SEL1L2: variants seen among roughly 807,000 people sequenced by gnomAD.
SEL1L2 encodes the protein protein sel-1 homolog 2.
A neutral mutation model predicts 98.8 loss-of-function variants in SEL1L2; 89 were observed. That is an observed-to-expected ratio of 0.90 (90% CI 0.76 to 1.07). SEL1L2 has a LOEUF of 1.07. Ranked by LOEUF, SEL1L2 falls within the 50% of genes least tolerant of loss-of-function variation. The pLI is 0.00. For synonymous variants in SEL1L2, 262 were observed against 278.5 expected, an observed-to-expected ratio of 0.94 and a Z score of 0.59; for missense variants, 788 against 812.0, an observed-to-expected ratio of 0.97 and a Z score of 0.36.
At chr20:13,917,949 G>A (rs183794962) in intron 4 of SEL1L2, among the ~76,000 whole-genome samples, 9 of 151,650 alleles carry the variant, frequency 5.9e-5, no homozygotes, top group Admixed American at 5.9e-4. Flanking sequence ...ACAGGTGCGC[G>A]CCATCATGTC....
intron 1 of SEL1L2, among the ~76,000 whole-genome samples, chr20:13,967,529 C>T (rs1391082079): frequency 6.6e-6 from 1 of 152,176 alleles, no homozygotes; most frequent in Non-Finnish European, 1.5e-5. Flanking sequence ...GGTCCCAGCT[C>T]ATTTCTTTTC....
At chr20:13,914,988 T>C in intron 4 of SEL1L2, 1 of 722,172 alleles carries the variant, frequency 1.4e-6, no homozygotes, top group Non-Finnish European at 1.9e-6. Context: ...TTATTTTTAC[T>C]TTTATAACTT....
intron 5 of SEL1L2, among the ~76,000 whole-genome samples, chr20:13,894,286 G>A (rs147482876): frequency 6.6e-6 from 1 of 152,312 alleles, no homozygotes; most frequent in East Asian, 1.9e-4. Flanking sequence ...CTGGCCAGGT[G>A]CAGTGGCTCA....
chr20:13,850,304 T>G lies in SEL1L2; in HGVS notation c.1834A>C (p.Arg612=), dbSNP rs1194636010. The G allele has an allele frequency of 6.2e-7, 1 of 1,614,088 alleles. No homozygotes were observed. Among genetic ancestry groups the G allele is most frequent in the Non-Finnish European group, 8.5e-7 (1 of 1,179,920 alleles). ...LGITKDIHLA[R]RLYDMAAQTS... is the part of the protein sequence containing the mutation. ...TGAGCAGCCATGTCGTACAATCTTC[T>G]GGCCAAGTGAATGTCCTAGAAGGAG... is the stretch of plus-strand genomic sequence containing the variant. The change falls in exon 19 of 20, where the codon AGA becomes CGA. Residue 612 remains arginine, a synonymous_variant. Transcript: ENST00000284951.
intron 2 of SEL1L2, among the ~76,000 whole-genome samples, chr20:13,950,123 A>T (rs1211427809): frequency 6.6e-6 from 1 of 152,210 alleles, no homozygotes; most frequent in Non-Finnish European, 1.5e-5. Flanking sequence ...AAAGTAGTCA[A>T]ATTCAGGGAG....
chr20:13,901,762 C>T (rs1047913337), intron 5 of SEL1L2, among the ~76,000 whole-genome samples: 2 of 151,548 alleles, frequency 1.3e-5, no homozygotes, highest in African/African-American at 2.4e-5. Context: ...CCCAGGTTCC[C>T]GCCATTCTCC....
chr20:13,934,766 C>G (rs2148337132), intron 2 of SEL1L2, among the ~76,000 whole-genome samples: 1 of 151,758 alleles, frequency 6.6e-6, no homozygotes, highest in East Asian at 1.9e-4. Flanking sequence ...CACATCCATG[C>G]CAACATCTGT....
At chr20:13,983,023 CAAAAAAAAAAAA>C (rs57993052) in intron 1 of SEL1L2, among the ~76,000 whole-genome samples, 3 of 15,564 alleles carry the variant, frequency 1.9e-4, no homozygotes, top group East Asian at 1.8e-3. Context: ...GACTCCATCT[CAAAAAAAAAAAA>C]AAAAAAAAAA....
chr20:13,918,071 A>G (rs990783496), intron 4 of SEL1L2, among the ~76,000 whole-genome samples: 3 of 152,080 alleles, frequency 2.0e-5, no homozygotes, highest in African/African-American at 4.8e-5. Flanking sequence ...GATTACAGGT[A>G]TGAGCCACCG....
At position 13,863,604 on chromosome 20, in the gene SEL1L2, C is replaced by T. The variant is rs1990517832; in HGVS notation, c.1645+1563G>A. ...AGCCATATCTTCAGGGACACTTATA[C>T]CTGACCTCTCTTAGGACACATGATT... On this transcript the variant is annotated intron_variant, in intron 17 of 19. Coordinates refer to ENST00000284951, the MANE Select transcript of SEL1L2 (RefSeq NM_025229.2). Among the ~76,000 whole-genome samples the T allele has an allele frequency of 2.0e-5, 3 of 152,208 alleles. No homozygotes were observed. In the South Asian group the frequency reaches 6.2e-4, roughly 31 times the overall value.
chr20:13,905,928 G>A (rs1325484154), intron 5 of SEL1L2, among the ~76,000 whole-genome samples: 1 of 137,042 alleles, frequency 7.3e-6, no homozygotes, highest in Non-Finnish European at 1.5e-5. Context: ...AGGCTGGAAT[G>A]CAATGGTGCA....
chr20:13,922,653 T>G (rs774607650), intron 3 of SEL1L2, among the ~76,000 whole-genome samples: 7 of 152,240 alleles, frequency 4.6e-5, no homozygotes, highest in Non-Finnish European at 8.8e-5. Flanking sequence ...ATCATTTTAA[T>G]GATGAAAGCA....
At chr20:13,962,217 T>G (rs980058215) in intron 1 of SEL1L2, among the ~76,000 whole-genome samples, 1 of 152,180 alleles carries the variant, frequency 6.6e-6, no homozygotes, top group Non-Finnish European at 1.5e-5. Flanking sequence ...TTCACATCGC[T>G]TTGCAGTGTG....
At chr20:13,968,371 T>C (rs1466397095) in intron 1 of SEL1L2, among the ~76,000 whole-genome samples, 2 of 151,730 alleles carry the variant, frequency 1.3e-5, no homozygotes, top group Non-Finnish European at 3.0e-5. Flanking sequence ...GCAATGTGCC[T>C]GGCACAGTGC....
intron 3 of SEL1L2, among the ~76,000 whole-genome samples, chr20:13,926,300 G>GC (rs1487432310): frequency 1.3e-5 from 2 of 150,614 alleles, no homozygotes; most frequent in Non-Finnish European, 3.0e-5. Context: ...GGGCGACAGA[G>GC]CGAGACTCCG....
intron 11 of SEL1L2, 43 bp downstream of exon 11, chr20:13,877,477 G>GT: frequency 6.7e-7 from 1 of 1,488,912 alleles, no homozygotes; most frequent in Non-Finnish European, 9.3e-7. Flanking sequence ...AATTTCTTAG[G>GT]TTTTTAATAA....
intron 1 of SEL1L2, among the ~76,000 whole-genome samples, chr20:13,968,354 A>T (rs1030250544): frequency 6.6e-6 from 1 of 152,250 alleles, no homozygotes; most frequent in Non-Finnish European, 1.5e-5. Context: ...ATAGTTGAAT[A>T]ATTGATGCAA....
At chr20:13,902,845 C>T (rs1015510733) in intron 5 of SEL1L2, among the ~76,000 whole-genome samples, 1 of 152,124 alleles carries the variant, frequency 6.6e-6, no homozygotes, top group Non-Finnish European at 1.5e-5. Flanking sequence ...CGGCCAGGCG[C>T]GGTGGCTCAC....
chr20:13,947,223 T>G (rs1350957318), intron 2 of SEL1L2, among the ~76,000 whole-genome samples: 2 of 152,108 alleles, frequency 1.3e-5, no homozygotes, highest in African/African-American at 2.4e-5. Flanking sequence ...CAGCATGCAC[T>G]TCCCCTCTTC....
Sources: gnomAD v4.1 joint callset for allele counts (sites outside exome capture counted in the v4.1 genomes callset) on GRCh38, gnomAD v4.1.1 for gene constraint, MANE v1.5 for transcripts, NCBI Gene and HGNC (gene_info 2026-07-23, HGNC 2026-07-21) for gene names.